IGSF11: variants seen among roughly 807,000 people sequenced by gnomAD.
The protein encoded by IGSF11 is immunoglobulin superfamily member 11, also known as CXADR like 1.
A neutral mutation model predicts 41.0 loss-of-function variants in IGSF11; 22 were observed. That is an observed-to-expected ratio of 0.54 (90% CI 0.38 to 0.77). The LOEUF (loss-of-function observed/expected upper bound fraction) is 0.77, where lower values mean the gene tolerates loss of function less well. IGSF11 is among the 30% of genes least tolerant of loss of function. The pLI is 0.00. For synonymous variants in IGSF11, 219 were observed against 201.3 expected (o/e 1.09, Z -0.74); for missense variants, 444 against 530.8 (o/e 0.84, Z 1.61).
chr3:118,919,076 A>G (rs1941471724), intron 4 of IGSF11, among the ~76,000 whole-genome samples: 2 of 138,186 alleles, frequency 1.4e-5, no homozygotes, highest in African/African-American at 6.5e-5. Context: ...CTGAAACTGG[A>G]TCCCTTCCTT....
chr3:119,100,877 C>G (rs1018600798), intron 1 of IGSF11, among the ~76,000 whole-genome samples: 1 of 152,108 alleles, frequency 6.6e-6, no homozygotes, highest in African/African-American at 2.4e-5. Flanking sequence ...AATCGAAAGT[C>G]ATGGAATGGG....
At chr3:118,951,968 T>C (rs1015459293) in intron 1 of IGSF11, among the ~76,000 whole-genome samples, 2 of 152,082 alleles carry the variant, frequency 1.3e-5, no homozygotes, top group African/African-American at 4.8e-5. Context: ...CATACAGACA[T>C]ACCTCAGAGA....
chr3:118,968,264 A>G (rs1932939002), intron 1 of IGSF11, among the ~76,000 whole-genome samples: 1 of 152,148 alleles, frequency 6.6e-6, no homozygotes, highest in South Asian at 2.1e-4. Flanking sequence ...ACGAGAACAG[A>G]GTGACATTCC....
intron 1 of IGSF11, among the ~76,000 whole-genome samples, chr3:118,951,045 T>C (rs774899251): frequency 5.9e-5 from 9 of 152,190 alleles, no homozygotes; most frequent in Non-Finnish European, 1.3e-4. Flanking sequence ...CTCTATCCAA[T>C]AGAACTTTCT....
At chr3:119,025,470 C>A (rs1275748911) in intron 1 of IGSF11, among the ~76,000 whole-genome samples, 2 of 150,122 alleles carry the variant, frequency 1.3e-5, no homozygotes, top group Non-Finnish European at 3.0e-5. Context: ...TGCTGTATGT[C>A]AGGCACTATG....
At chr3:119,106,566 A>G (rs972054834), upstream of IGSF11, among the ~76,000 whole-genome samples, 3 of 152,088 alleles carry the variant, frequency 2.0e-5, no homozygotes, top group African/African-American at 7.2e-5. Flanking sequence ...ATAGTACTCC[A>G]TTGTATACAT....
intron 1 of IGSF11, among the ~76,000 whole-genome samples, chr3:119,121,230 C>T (rs2077330104): frequency 6.6e-6 from 1 of 151,830 alleles, no homozygotes; most frequent in Non-Finnish European, 1.5e-5. Flanking sequence ...ATGAGGGGAC[C>T]ATTTTGGATT....
intron 1 of IGSF11, among the ~76,000 whole-genome samples, chr3:118,940,832 T>G (rs9878706): frequency 0.41 from 61,892 of 150,828 alleles, 16,238 homozygotes; most frequent in African/African-American, 0.73. Flanking sequence ...TCCAACAAAG[T>G]TGTCAAAGCC....
chr3:118,993,211 G>C (rs943923275), intron 1 of IGSF11, among the ~76,000 whole-genome samples: 1 of 152,158 alleles, frequency 6.6e-6, no homozygotes, highest in Non-Finnish European at 1.5e-5. Flanking sequence ...CTGGGCAACA[G>C]AGCAAGATCC....
intron 1 of IGSF11, among the ~76,000 whole-genome samples, chr3:119,060,486 C>T (rs963248876): frequency 3.3e-5 from 5 of 151,952 alleles, no homozygotes; most frequent in Admixed American, 3.3e-4. Context: ...TAAATTTAAT[C>T]CATATTTATG....
At chr3:118,922,329 T>C (rs563194333) in intron 4 of IGSF11, among the ~76,000 whole-genome samples, 4 of 152,264 alleles carry the variant, frequency 2.6e-5, no homozygotes, top group African/African-American at 7.2e-5. Flanking sequence ...TTATGGTATA[T>C]ATTTTGATAT....
intron 1 of IGSF11, among the ~76,000 whole-genome samples, chr3:119,080,384 A>T (rs761308761): frequency 4.9e-4 from 75 of 152,202 alleles, no homozygotes; most frequent in Non-Finnish European, 8.8e-4. Flanking sequence ...ACTCCAAAAA[A>T]ATTATGGACA....
chr3:119,125,701 A>C (rs2077394983), intron 1 of IGSF11, among the ~76,000 whole-genome samples: 1 of 152,144 alleles, frequency 6.6e-6, no homozygotes, highest in Non-Finnish European at 1.5e-5. Context: ...ACGCCTGTGA[A>C]TCCTTCACCG....
At chr3:119,020,332 C>T (rs1467655180) in intron 1 of IGSF11, among the ~76,000 whole-genome samples, 1 of 152,160 alleles carries the variant, frequency 6.6e-6, no homozygotes, top group Non-Finnish European at 1.5e-5. Flanking sequence ...TCAGACTCCA[C>T]CTGTTTTCTG....
intron 1 of IGSF11, among the ~76,000 whole-genome samples, chr3:119,042,683 C>T (rs1470678478): frequency 6.6e-6 from 1 of 152,186 alleles, no homozygotes; most frequent in Non-Finnish European, 1.5e-5. Context: ...TTTCTCTACT[C>T]ACTCTGGTAG....
At chr3:118,919,317 C>G (rs1230184047) in intron 4 of IGSF11, among the ~76,000 whole-genome samples, 6 of 137,492 alleles carry the variant, frequency 4.4e-5, no homozygotes, top group Admixed American at 7.2e-5. Flanking sequence ...TCAGAGTGAA[C>G]AGGCAACCTA....
intron 1 of IGSF11, among the ~76,000 whole-genome samples, chr3:119,091,525 TA>T (rs2076760120): frequency 6.6e-6 from 1 of 152,122 alleles, no homozygotes; most frequent in Non-Finnish European, 1.5e-5. Flanking sequence ...CACACAGCCA[TA>T]AAAAAGAATG....
intron 1 of IGSF11, among the ~76,000 whole-genome samples, chr3:118,957,192 C>T (rs1028735267): frequency 1.3e-5 from 2 of 152,012 alleles, no homozygotes; most frequent in African/African-American, 4.8e-5. Flanking sequence ...TGAATTCCTC[C>T]TTCTTTCATT....
chr3:119,105,473 T>C (rs1169000092), upstream of IGSF11, among the ~76,000 whole-genome samples: 1 of 152,162 alleles, frequency 6.6e-6, no homozygotes, highest in African/African-American at 2.4e-5. Context: ...ATCAGGGTAA[T>C]AGAATGGATA....
Sources: allele counts gnomAD v4.1 joint callset (sites outside exome capture counted in the v4.1 genomes callset), GRCh38; gene constraint gnomAD v4.1.1; transcripts MANE v1.5; gene names NCBI Gene and HGNC (gene_info 2026-07-23, HGNC 2026-07-21).